SEH1L: variants seen among roughly 807,000 people sequenced by gnomAD.
The protein encoded by SEH1L is nucleoporin SEH1.
Under a neutral mutation model 49.5 loss-of-function variants are expected in SEH1L, and 18 were observed. That is an observed-to-expected ratio of 0.36 (90% confidence interval 0.25 to 0.54). The LOEUF is 0.54. Among genes scored for constraint, SEH1L ranks in the 20% least tolerant of loss-of-function variants. The pLI, the probability that SEH1L is intolerant of heterozygous loss-of-function variation, is 0.87. For missense variants in SEH1L, 404 were observed against 528.8 expected (o/e 0.76, Z 2.31); for synonymous variants, 169 against 178.1 (o/e 0.95, Z 0.41).
chr18:12,956,913 A>G (rs1018598648), intron 3 of SEH1L, among the ~76,000 whole-genome samples: 3 of 152,238 alleles, frequency 2.0e-5, no homozygotes, highest in Middle Eastern at 3.4e-3. Context: ...TAAAAATACA[A>G]AAAATTAGCC....
intron 1 of SEH1L, 77 bp from the exon 2 acceptor site, chr18:12,951,778 A>G (rs2030547321): frequency 7.1e-6 from 6 of 846,170 alleles, no homozygotes; most frequent in Non-Finnish European, 7.8e-6. Flanking sequence ...TTCCTTGTAC[A>G]CTGATTCAGT....
At position 12,955,638 on chromosome 18, in the gene SEH1L, C is replaced by T. The variant is rs140150049; in HGVS notation, c.309+29C>T. The stretch of plus-strand genomic sequence containing the variant: ...AGACATTTATTAGTATTCTGGGGAC[C>T]GGGAAGACATGAGCAGCCAAGGAGC... On this transcript the variant is annotated intron_variant, in intron 3 of 8. Transcript: ENST00000399892. The T allele has an allele frequency of 8.6e-5, 139 of 1,606,956 alleles. No individual in the cohort carries two copies. The East Asian group carries it at 1.9e-3, about 22-fold the overall frequency.
chr18:12,964,326 T>A (rs2031334168), intron 4 of SEH1L: 1 of 152,218 alleles, frequency 6.6e-6, no homozygotes, highest in Non-Finnish European at 1.5e-5. Context: ...TAGTCACTAG[T>A]ATATTTTTAA....
At chr18:12,953,139 G>A (rs1487556493) in intron 2 of SEH1L, among the ~76,000 whole-genome samples, 1 of 152,144 alleles carries the variant, frequency 6.6e-6, no homozygotes, top group East Asian at 1.9e-4. Flanking sequence ...ATAGTCCTTT[G>A]TGTCTGGCCA....
intron 6 of SEH1L, among the ~76,000 whole-genome samples, chr18:12,981,047 G>C (rs1338950225): frequency 6.6e-6 from 1 of 150,672 alleles, no homozygotes; most frequent in Non-Finnish European, 1.5e-5. Flanking sequence ...GGGCGGAGGG[G>C]CTTCTCACTT....
At chr18:12,970,008 T>C (rs994134582) in intron 4 of SEH1L, among the ~76,000 whole-genome samples, 3 of 152,248 alleles carry the variant, frequency 2.0e-5, no homozygotes, top group Non-Finnish European at 2.9e-5. Flanking sequence ...ATTTTATTAC[T>C]GTAGCATTTT....
intron 6 of SEH1L, among the ~76,000 whole-genome samples, chr18:12,980,374 A>AT (rs1333264604): frequency 2.5e-5 from 2 of 79,620 alleles, no homozygotes; most frequent in African/African-American, 9.9e-5. Flanking sequence ...CGGGGGGCTG[A>AT]CCCCCCCACC....
At chr18:12,965,482 C>G (rs2031408523) in intron 4 of SEH1L, among the ~76,000 whole-genome samples, 2 of 152,106 alleles carry the variant, frequency 1.3e-5, no homozygotes, top group South Asian at 4.1e-4. Context: ...TTTGAGATGC[C>G]AATATGGAGA....
chr18:12,980,914 C>G (rs1598979609), intron 6 of SEH1L, among the ~76,000 whole-genome samples: 4 of 143,006 alleles, frequency 2.8e-5, no homozygotes, highest in African/African-American at 1.1e-4. Flanking sequence ...GCTGGCCGGG[C>G]GGGGGGCTGA....
chr18:12,975,565 T>A (rs972055268), intron 5 of SEH1L, among the ~76,000 whole-genome samples: 6 of 150,852 alleles, frequency 4.0e-5, no homozygotes, highest in African/African-American at 1.5e-4. Context: ...GGGCGTGGGG[T>A]CGAGGCGGTG....
chr18:12,970,605 T>G (rs1303304091), intron 4 of SEH1L, among the ~76,000 whole-genome samples: 1 of 152,154 alleles, frequency 6.6e-6, no homozygotes, highest in Non-Finnish European at 1.5e-5. Context: ...ATTTTTTTTT[T>G]GTAGAGATAG....
At chr18:12,964,371 A>C (rs1400824010) in intron 4 of SEH1L, 1 of 152,054 alleles carries the variant, frequency 6.6e-6, no homozygotes, top group African/African-American at 2.4e-5. Flanking sequence ...TTGCTATGTT[A>C]TCTTTTTTTT....
Position 12,987,083 on chromosome 18 carries a change from T to C in SEH1L, c.*26T>C. ...AACACTGATTTAACATTGAAAGGCC[T>C]TATTCAAGTGCTTGTAAATGCTTTC... is the stretch of plus-strand genomic sequence containing the variant. On this transcript the variant is annotated 3_prime_UTR_variant, in exon 9 of 9. Coordinates refer to ENST00000399892, the MANE Select transcript of SEH1L (RefSeq NM_001013437.2). The C allele has an allele frequency of 6.8e-7, 1 of 1,473,508 alleles. No individual in the cohort carries two copies. Among genetic ancestry groups the C allele is most frequent in the Non-Finnish European group, 9.3e-7 (1 of 1,074,830 alleles). The allele number at this position is 1,473,508 out of a possible 1,614,324, so 91.3% of individuals were successfully genotyped here. A position where few individuals can be genotyped will look rare whatever the true frequency, so the allele number is the denominator to read the frequency against.
At chr18:12,985,525 T>C in intron 8 of SEH1L, 1 of 1,212,046 alleles carries the variant, frequency 8.3e-7, no homozygotes, top group Non-Finnish European at 1.0e-6. Context: ...TTTTTTGAAA[T>C]GTTCCTGAAA....
chr18:12,976,327 C>T lies in SEH1L; in HGVS notation c.621-2425C>T, dbSNP rs967597047. 5 of 152,252 alleles carry T rather than the reference C, an allele frequency of 3.3e-5. No individual in the cohort carries two copies. In the East Asian group the frequency reaches 9.6e-4, roughly 29 times the overall value. The allele number at this position is 152,252 out of a possible 1,614,324, so 9.4% of individuals were successfully genotyped here. On this transcript the variant is annotated intron_variant, in intron 5 of 8. Coordinates refer to ENST00000399892, the MANE Select transcript of SEH1L (RefSeq NM_001013437.2). ...TGTTGTAGTCACACGGGTGTTGTCC[C>T]ACCACCTTGCCATGTTCCGTCCCCT...
chr18:12,952,015 C>T (rs1259824512), intron 2 of SEH1L, 110 bp downstream of exon 2: 3 of 556,318 alleles, frequency 5.4e-6, no homozygotes, highest in African/African-American at 2.0e-5. Context: ...AGTTCTTTTC[C>T]TGGGAAGACA....
chr18:12,966,475 C>T (rs909469278), intron 4 of SEH1L, among the ~76,000 whole-genome samples: 2 of 152,110 alleles, frequency 1.3e-5, no homozygotes, highest in African/African-American at 4.8e-5. Flanking sequence ...CAGTGGCACT[C>T]CCTGGACCTC....
intron 2 of SEH1L, among the ~76,000 whole-genome samples, chr18:12,952,767 C>CTCTCT (rs1245335396): frequency 6.6e-6 from 1 of 150,684 alleles, no homozygotes; most frequent in East Asian, 2.0e-4. Flanking sequence ...CCCTCCCACC[C>CTCTCT]TCTCTTCTCT....
rs191153148 is a variant in SEH1L, at chr18:12,954,977, C to T, written c.163-486C>T. On this transcript the variant is annotated intron_variant, in intron 2 of 8. Coordinates refer to ENST00000399892, the MANE Select transcript of SEH1L (RefSeq NM_001013437.2). ...ACTTCTTGTTTACTCTGCTCCCAGC[C>T]GCTGGTAACCACTAATCTACTTTCT... is the stretch of plus-strand genomic sequence containing the variant. 2.8e-3 allele frequency among the ~76,000 whole-genome samples: 421 copies of T among 152,242 alleles called. 2 individuals are homozygous for T. Among genetic ancestry groups the T allele is most frequent in the Non-Finnish European group, 4.5e-3 (306 of 68,016 alleles).
Sources: gnomAD v4.1 joint callset for allele counts (sites outside exome capture counted in the v4.1 genomes callset) on GRCh38, gnomAD v4.1.1 for gene constraint, MANE v1.5 for transcripts, NCBI Gene and HGNC (gene_info 2026-07-23, HGNC 2026-07-21) for gene names.